Variants in BRD10 observed in about 807,000 individuals in gnomAD.
The protein encoded by BRD10 is bromodomain containing 10, also known as uncharacterized bromodomain-containing protein 10.
the BRD10 span, among the ~76,000 whole-genome samples, chr9:5,987,204 A>G: frequency 6.6e-6 from 1 of 152,102 alleles, no homozygotes; most frequent in Non-Finnish European, 1.5e-5. Context: ...TATCACTACT[A>G]TTATTACAAC....
the BRD10 span, among the ~76,000 whole-genome samples, chr9:5,934,358 CTTTTT>C: frequency 1.5e-5 from 2 of 129,990 alleles, no homozygotes; most frequent in Non-Finnish European, 3.2e-5. Flanking sequence ...TTACGCTTTT[CTTTTT>C]TTTTTTTTTT....
chr9:5,898,027 G>A, the BRD10 span: 1 of 198,986 alleles, frequency 5.0e-6, no homozygotes, highest in Non-Finnish European at 1.1e-5. Flanking sequence ...ACATGGGCAA[G>A]GGAGTGAGAG....
At chr9:5,977,025 A>C in the BRD10 span, among the ~76,000 whole-genome samples, 4 of 152,264 alleles carry the variant, frequency 2.6e-5, no homozygotes, top group African/African-American at 4.8e-5. Flanking sequence ...GTAATTTCAC[A>C]AATTATTTAC....
chr9:5,975,439 CAAAAAAAAAAAA>C, the BRD10 span, among the ~76,000 whole-genome samples: 664 of 61,334 alleles, frequency 0.011, 15 homozygotes, highest in African/African-American at 0.044. Context: ...AACTCCATCT[CAAAAAAAAAAAA>C]AAAAAAAAAA....
chr9:5,885,137 C>T, the BRD10 span, among the ~76,000 whole-genome samples: 2 of 152,312 alleles, frequency 1.3e-5, no homozygotes, highest in South Asian at 4.1e-4. Flanking sequence ...ATTCTATTCC[C>T]TTCTCTACCT....
the BRD10 span, among the ~76,000 whole-genome samples, chr9:5,918,477 A>C: frequency 6.6e-6 from 1 of 152,184 alleles, no homozygotes; most frequent in Non-Finnish European, 1.5e-5. Flanking sequence ...GCACTTTGGG[A>C]GGCCAAGGTA....
chr9:5,969,344 G>C, the BRD10 span: 8 of 1,612,960 alleles, frequency 5.0e-6, no homozygotes, highest in Non-Finnish European at 6.8e-6. Flanking sequence ...CTCCATACAA[G>C]TTGGAGCTGC....
At chr9:5,957,723 T>A in the BRD10 span, among the ~76,000 whole-genome samples, 1 of 152,170 alleles carries the variant, frequency 6.6e-6, no homozygotes, top group African/African-American at 2.4e-5. Context: ...CTTCAGTATA[T>A]ATCCTGAAAA....
At chr9:6,008,277 C>T in the BRD10 span, 1 of 984,786 alleles carries the variant, frequency 1.0e-6, no homozygotes, top group Non-Finnish European at 1.2e-6. Flanking sequence ...CCGCCCCCCT[C>T]TACCTGCGGG....
the BRD10 span, among the ~76,000 whole-genome samples, chr9:6,003,472 G>C: frequency 6.6e-6 from 1 of 152,192 alleles, no homozygotes. Flanking sequence ...ATTTCTCACA[G>C]TTGCCTCAAA....
At chr9:5,901,746 T>G in the BRD10 span, among the ~76,000 whole-genome samples, 1 of 152,166 alleles carries the variant, frequency 6.6e-6, no homozygotes, top group African/African-American at 2.4e-5. Flanking sequence ...GGTCTCAAAC[T>G]CCTGAGCACA....
chr9:5,991,050 A>T, the BRD10 span, among the ~76,000 whole-genome samples: 1 of 152,174 alleles, frequency 6.6e-6, no homozygotes, highest in Non-Finnish European at 1.5e-5. Flanking sequence ...AATCAAGTAT[A>T]TGTATATGTA....
At chr9:5,886,914 C>G in the BRD10 span, among the ~76,000 whole-genome samples, 4 of 152,106 alleles carry the variant, frequency 2.6e-5, no homozygotes, top group African/African-American at 7.3e-5. Flanking sequence ...ACTCAAAGAC[C>G]CAAAGGGATG....
chr9:5,889,050 C>G, the BRD10 span, among the ~76,000 whole-genome samples: 1 of 152,198 alleles, frequency 6.6e-6, no homozygotes, highest in African/African-American at 2.4e-5. Context: ...GTTTGGTGGT[C>G]TCTGCTGGTC....
the BRD10 span, among the ~76,000 whole-genome samples, chr9:5,981,800 T>C: frequency 1.3e-5 from 2 of 152,150 alleles, no homozygotes; most frequent in Admixed American, 6.5e-5. Flanking sequence ...TGTAATACTA[T>C]TACATAGTTA....
chr9:5,925,614 A>G, the BRD10 span, among the ~76,000 whole-genome samples: 1 of 152,174 alleles, frequency 6.6e-6, no homozygotes, highest in African/African-American at 2.4e-5. Flanking sequence ...TGTGACTATC[A>G]TACAGAGAGT....
chr9:5,935,917 A>G, the BRD10 span, among the ~76,000 whole-genome samples: 8 of 152,318 alleles, frequency 5.3e-5, no homozygotes, highest in East Asian at 1.9e-4. Flanking sequence ...AAATGTTCCT[A>G]AAGTATAAGT....
At chr9:6,008,298 A>T in the BRD10 span, 1 of 984,628 alleles carries the variant, frequency 1.0e-6, no homozygotes, top group Non-Finnish European at 1.2e-6. Context: ...GGACACGGGC[A>T]GAAGGAGGCG....
the BRD10 span, among the ~76,000 whole-genome samples, chr9:5,976,700 T>C: frequency 6.9e-6 from 1 of 144,722 alleles, no homozygotes; most frequent in African/African-American, 2.6e-5. Context: ...CCAAAGGAAA[T>C]AAGATAAAGG....
Sources: allele counts gnomAD v4.1 joint callset (sites outside exome capture counted in the v4.1 genomes callset), GRCh38; gene constraint gnomAD v4.1.1; transcripts MANE v1.5; gene names NCBI Gene and HGNC (gene_info 2026-07-23, HGNC 2026-07-21).